Variants in TADA2A observed in about 807,000 individuals in gnomAD.
The protein encoded by TADA2A is transcriptional adaptor 2A, also known as transcriptional adapter 2-alpha.
TADA2A carries 38 observed loss-of-function variants against 67.4 expected under a neutral mutation model. The observed-to-expected ratio is 0.56, with a 90% confidence interval of 0.44 to 0.74. TADA2A has a LOEUF of 0.74. TADA2A is among the 30% of genes least tolerant of loss of function. The probability of loss-of-function intolerance (pLI) is 0.00; values close to 1 mark genes in which losing one functional copy is unlikely to be tolerated. For missense variants in TADA2A, 454 were observed against 547.0 expected (o/e 0.83, Z 1.70); for synonymous variants, 192 against 181.6 (o/e 1.06, Z -0.46).
chr17:37,437,718 CA>C lies in TADA2A; in HGVS notation c.193-16del, dbSNP rs745958846. 9 of 1,611,676 alleles carry C rather than the reference CA, an allele frequency of 5.6e-6. No individual in the cohort carries two copies. The highest frequency in any genetic ancestry group is 1.7e-6 in the Non-Finnish European group (2 of 1,178,034). ...TTCCATTTGTATCTCTGTTCTTAAGCAAAACTTTTTTCTCCTTAGACTTCAG... is the reference window on the plus strand; with the variant it reads ...TTCCATTTGTATCTCTGTTCTTAAGCAAACTTTTTTCTCCTTAGACTTCAG... On this transcript the variant is annotated intron_variant, in intron 4 of 15. Coordinates refer to ENST00000615182, the MANE Select transcript of TADA2A (RefSeq NM_001166105.3).
intron 6 of TADA2A, among the ~76,000 whole-genome samples, chr17:37,441,582 T>A (rs112909340): frequency 6.6e-6 from 1 of 152,154 alleles, no homozygotes; most frequent in African/African-American, 2.4e-5. Flanking sequence ...TAATGAGATA[T>A]GAATGTTTTC....
At chr17:37,422,412 A>G (rs1375303381) in intron 2 of TADA2A, among the ~76,000 whole-genome samples, 1 of 150,840 alleles carries the variant, frequency 6.6e-6, no homozygotes, top group Admixed American at 6.6e-5. Context: ...AACTCCTAAG[A>G]GCAGGCAATC....
At chr17:37,452,184 C>G (rs1369348459) in intron 8 of TADA2A, among the ~76,000 whole-genome samples, 1 of 152,060 alleles carries the variant, frequency 6.6e-6, no homozygotes, top group Non-Finnish European at 1.5e-5. Context: ...CGGTGGATCA[C>G]TTGAGGTCAG....
intron 1 of TADA2A, chr17:37,407,356 T>A (rs1272993893): frequency 6.6e-6 from 1 of 152,344 alleles, no homozygotes; most frequent in Non-Finnish European, 1.5e-5. Flanking sequence ...CTGTTAGAGC[T>A]GAGGCGCAGG....
intron 15 of TADA2A, among the ~76,000 whole-genome samples, chr17:37,475,168 T>TA (rs2053867216): frequency 1.3e-5 from 2 of 151,956 alleles, no homozygotes; most frequent in African/African-American, 4.8e-5. Context: ...TATTTTTATT[T>TA]TTTTTTATTT....
At chr17:37,433,520 G>A (rs1427219052) in intron 4 of TADA2A, among the ~76,000 whole-genome samples, 1 of 151,976 alleles carries the variant, frequency 6.6e-6, no homozygotes, top group Non-Finnish European at 1.5e-5. Context: ...TTAGGTGGGT[G>A]TGGTTGCACA....
intron 11 of TADA2A, among the ~76,000 whole-genome samples, chr17:37,466,801 T>A (rs1257433189): frequency 6.6e-6 from 1 of 152,180 alleles, no homozygotes; most frequent in African/African-American, 2.4e-5. Context: ...GCAGCCAAAT[T>A]AGAATGATTT....
chr17:37,474,723 G>A, intron 15 of TADA2A, 94 bp downstream of exon 15: 2 of 1,343,884 alleles, frequency 1.5e-6, no homozygotes, highest in Non-Finnish European at 2.1e-6. Context: ...AACCCCTTTT[G>A]TTTCATTCAT....
intron 2 of TADA2A, among the ~76,000 whole-genome samples, chr17:37,422,562 A>C (rs2052277893): frequency 6.6e-6 from 1 of 151,310 alleles, no homozygotes; most frequent in South Asian, 2.1e-4. Flanking sequence ...GCTGGAGTGC[A>C]GTGGCACAAT....
chr17:37,428,020 T>G (rs2052459776), intron 4 of TADA2A, among the ~76,000 whole-genome samples: 1 of 151,994 alleles, frequency 6.6e-6, no homozygotes, highest in Admixed American at 6.6e-5. Flanking sequence ...TCAGAACATA[T>G]TAAGCATATA....
intron 8 of TADA2A, among the ~76,000 whole-genome samples, chr17:37,445,608 TTA>T (rs1329293803): frequency 6.6e-6 from 1 of 152,204 alleles, no homozygotes; most frequent in Non-Finnish European, 1.5e-5. Context: ...CTCTAAGGGT[TTA>T]TGTTAACTCT....
intron 4 of TADA2A, among the ~76,000 whole-genome samples, 159 bp downstream of exon 4, chr17:37,427,168 G>A: frequency 6.6e-6 from 1 of 152,128 alleles, no homozygotes; most frequent in East Asian, 1.9e-4. Flanking sequence ...TCGGAAATAG[G>A]TAATTGTTAT....
chr17:37,429,237 G>A (rs557180640), intron 4 of TADA2A, among the ~76,000 whole-genome samples: 1 of 151,844 alleles, frequency 6.6e-6, no homozygotes, highest in African/African-American at 2.4e-5. Context: ...ACCACAGCAG[G>A]CACCTCAACT....
chr17:37,464,406 T>G (rs1035046197), intron 10 of TADA2A, among the ~76,000 whole-genome samples: 6 of 152,198 alleles, frequency 3.9e-5, no homozygotes, highest in Non-Finnish European at 7.3e-5. Context: ...CTGGATGGAT[T>G]ATTTTGTCTG....
intron 4 of TADA2A, among the ~76,000 whole-genome samples, chr17:37,427,216 TATTTAAG>T (rs2052437085): frequency 6.6e-6 from 1 of 152,264 alleles, no homozygotes; most frequent in Admixed American, 6.5e-5. Flanking sequence ...TCTATCAAGG[TATTTAAG>T]CACAAAAATA....
chr17:37,407,391 C>G (rs968802989), intron 1 of TADA2A: 6 of 152,282 alleles, frequency 3.9e-5, no homozygotes, highest in Admixed American at 3.9e-4. Flanking sequence ...CAGGCCGGTC[C>G]CACCCCGTAA....
chr17:37,461,997 CTGA>C, intron 9 of TADA2A, 78 bp from the exon 10 acceptor site: 1 of 1,106,828 alleles, frequency 9.0e-7, no homozygotes, highest in Non-Finnish European at 1.3e-6. Context: ...ATGTTTATGT[CTGA>C]TGATAGCTAT....
rs919098318 is a variant in TADA2A at position 37,419,256 on chromosome 17, G to A, written c.26-4253G>A. 5.5e-5 allele frequency among the ~76,000 whole-genome samples: 8 copies of A among 144,192 alleles called. 1 individual carries two copies. The highest frequency in any genetic ancestry group is 2.0e-4 in the African/African-American group (8 of 39,886). 94.6% of individuals were successfully genotyped at this position (144,192 alleles called of 152,430 possible). ...CATGCTCAAGGCTTACTGCAGACTC[G>A]ATCTCAGCTCAAGTGATCCTCCTAC... On this transcript the variant is annotated intron_variant, in intron 2 of 15. Coordinates refer to ENST00000615182, the MANE Select transcript of TADA2A (RefSeq NM_001166105.3).
intron 2 of TADA2A, among the ~76,000 whole-genome samples, chr17:37,421,046 T>C (rs933233386): frequency 4.1e-5 from 6 of 146,592 alleles, no homozygotes. Context: ...GAGTAGAAGA[T>C]CTGCTGTGTT....
Sources: gnomAD v4.1 joint callset for allele counts (sites outside exome capture counted in the v4.1 genomes callset) on GRCh38, gnomAD v4.1.1 for gene constraint, MANE v1.5 for transcripts, NCBI Gene and HGNC (gene_info 2026-07-23, HGNC 2026-07-21) for gene names.